The following AFG2A variants were observed in gnomAD, a reference collection of about 807,000 sequenced individuals.
AFG2A encodes ATPase family gene 2 protein homolog A.
chr4:123,282,877 C>G, the AFG2A span, among the ~76,000 whole-genome samples: 13 of 151,734 alleles, frequency 8.6e-5, no homozygotes, highest in Non-Finnish European at 1.8e-4. Flanking sequence ...TTGTATCAAG[C>G]CTATCAAGAC....
At chr4:123,076,682 G>A in the AFG2A span, among the ~76,000 whole-genome samples, 1 of 151,704 alleles carries the variant, frequency 6.6e-6, no homozygotes, top group South Asian at 2.1e-4. Flanking sequence ...TTTATGTCTT[G>A]GGTTAGGGAT....
At chr4:122,945,186 T>C in the AFG2A span, among the ~76,000 whole-genome samples, 2 of 152,232 alleles carry the variant, frequency 1.3e-5, no homozygotes. Context: ...CAGGGACATT[T>C]AAGTCTGCAG....
At chr4:123,080,851 G>A in the AFG2A span, among the ~76,000 whole-genome samples, 1 of 151,758 alleles carries the variant, frequency 6.6e-6, no homozygotes, top group Non-Finnish European at 1.5e-5. Context: ...TTTTAATTCA[G>A]ACAGCTAACT....
At chr4:123,152,855 C>T in the AFG2A span, among the ~76,000 whole-genome samples, 15,639 of 152,278 alleles carry the variant, frequency 0.1, 911 homozygotes, top group Middle Eastern at 0.2. Flanking sequence ...CAAGGGATAG[C>T]TGACATCTGA....
the AFG2A span, among the ~76,000 whole-genome samples, chr4:123,105,984 A>G: frequency 6.6e-6 from 1 of 152,188 alleles, no homozygotes; most frequent in Admixed American, 6.5e-5. Context: ...ACTGTGGTTT[A>G]CCCTATCAAA....
At chr4:123,031,407 C>T in the AFG2A span, among the ~76,000 whole-genome samples, 1 of 152,130 alleles carries the variant, frequency 6.6e-6, no homozygotes, top group East Asian at 1.9e-4. Context: ...CCCGCCTCAC[C>T]CTCCCAAAGT....
At chr4:123,205,593 G>T in the AFG2A span, among the ~76,000 whole-genome samples, 25 of 152,072 alleles carry the variant, frequency 1.6e-4, no homozygotes, top group Non-Finnish European at 3.2e-4. Flanking sequence ...TAAGTATAGG[G>T]AGGATATGCA....
At chr4:123,191,426 T>C in the AFG2A span, among the ~76,000 whole-genome samples, 1 of 151,808 alleles carries the variant, frequency 6.6e-6, no homozygotes, top group Non-Finnish European at 1.5e-5. Context: ...TACCATGCTA[T>C]AAGCTTAGGG....
chr4:122,942,526 TTTTC>T, the AFG2A span, among the ~76,000 whole-genome samples: 2 of 152,132 alleles, frequency 1.3e-5, no homozygotes, highest in Non-Finnish European at 2.9e-5. Context: ...TTCTCTCTTT[TTTTC>T]TTTATTAGTC....
the AFG2A span, chr4:123,256,165 A>G: frequency 1.2e-6 from 2 of 1,614,114 alleles, no homozygotes; most frequent in Non-Finnish European, 1.7e-6. Flanking sequence ...AAACCGACGC[A>G]TACTCAGGAG....
chr4:122,987,957 G>A, the AFG2A span, among the ~76,000 whole-genome samples: 1 of 152,094 alleles, frequency 6.6e-6, no homozygotes, highest in Admixed American at 6.5e-5. Flanking sequence ...TTAACTTGAT[G>A]AACTGGCTCT....
At chr4:122,934,660 G>A in the AFG2A span, 5 of 1,609,770 alleles carry the variant, frequency 3.1e-6, no homozygotes, top group Admixed American at 1.7e-5. Context: ...CATGATAGGA[G>A]GATTAAGTAG....
At chr4:123,146,126 C>G in the AFG2A span, among the ~76,000 whole-genome samples, 936 of 152,138 alleles carry the variant, frequency 6.2e-3, 1 homozygote, top group Non-Finnish European at 0.011. Context: ...TAACTTTGAA[C>G]CTAAGATTTT....
chr4:123,145,408 A>G, the AFG2A span, among the ~76,000 whole-genome samples: 1 of 151,964 alleles, frequency 6.6e-6, no homozygotes, highest in Non-Finnish European at 1.5e-5. Context: ...TTCAGATAAA[A>G]CTCACTGGTT....
chr4:122,966,862 T>G, the AFG2A span, among the ~76,000 whole-genome samples: 1 of 152,170 alleles, frequency 6.6e-6, no homozygotes, highest in East Asian at 1.9e-4. Context: ...ATGTAAGAGC[T>G]CAGTACAATT....
the AFG2A span, among the ~76,000 whole-genome samples, chr4:123,098,950 C>G: frequency 6.6e-6 from 1 of 151,884 alleles, no homozygotes; most frequent in African/African-American, 2.4e-5. Context: ...ACTATTTTCT[C>G]TAATATCTGA....
At chr4:123,107,347 T>C in the AFG2A span, among the ~76,000 whole-genome samples, 1 of 152,192 alleles carries the variant, frequency 6.6e-6, no homozygotes, top group Non-Finnish European at 1.5e-5. Flanking sequence ...GAAAGGACTT[T>C]AATTGAACAA....
chr4:123,272,391 T>C, the AFG2A span, among the ~76,000 whole-genome samples: 2 of 152,220 alleles, frequency 1.3e-5, no homozygotes, highest in Non-Finnish European at 2.9e-5. Flanking sequence ...CCCTTCATGC[T>C]CATTTGCTGT....
At chr4:123,147,387 G>A in the AFG2A span, among the ~76,000 whole-genome samples, 15 of 152,052 alleles carry the variant, frequency 9.9e-5, no homozygotes, top group African/African-American at 3.6e-4. Flanking sequence ...AGAATAGATG[G>A]CACTAAAGCC....
Sources: allele counts gnomAD v4.1 joint callset (sites outside exome capture counted in the v4.1 genomes callset), GRCh38; gene constraint gnomAD v4.1.1; transcripts MANE v1.5; gene names NCBI Gene and HGNC (gene_info 2026-07-23, HGNC 2026-07-21).